Variants in SLC24A2 observed in about 807,000 individuals in gnomAD.
SLC24A2 encodes sodium/potassium/calcium exchanger 2.
SLC24A2 carries 36 observed loss-of-function variants against 62.0 expected under a neutral mutation model. The ratio of observed to expected loss-of-function variants is 0.58; its 90% CI spans 0.44 to 0.77. The LOEUF (loss-of-function observed/expected upper bound fraction) is 0.77. SLC24A2 is among the 30% of genes least tolerant of loss of function. The pLI, the probability that SLC24A2 is intolerant of heterozygous loss-of-function variation, is 0.00. For synonymous variants in SLC24A2, 358 were observed against 294.0 expected (o/e 1.22, Z -2.23); for missense variants, 846 against 817.9 (o/e 1.03, Z -0.42).
At chr9:19,969,102 C>T in the SLC24A2 span, among the ~76,000 whole-genome samples, 2 of 150,732 alleles carry the variant, frequency 1.3e-5, no homozygotes, top group African/African-American at 4.9e-5. Flanking sequence ...TTCTCTAAGG[C>T]TTCTTGTGTT....
the SLC24A2 span, among the ~76,000 whole-genome samples, chr9:19,944,567 A>G: frequency 6.6e-6 from 1 of 152,150 alleles, no homozygotes; most frequent in Admixed American, 6.5e-5. Flanking sequence ...TAATAATAGG[A>G]TCCTCTTCTC....
chr9:20,255,522 AG>A, the SLC24A2 span, among the ~76,000 whole-genome samples: 1 of 152,186 alleles, frequency 6.6e-6, no homozygotes, highest in Non-Finnish European at 1.5e-5. Flanking sequence ...AGCTCATCTG[AG>A]GCAGGAGGAT....
chr9:20,014,149 A>C, the SLC24A2 span, among the ~76,000 whole-genome samples: 2 of 152,298 alleles, frequency 1.3e-5, no homozygotes, highest in East Asian at 3.9e-4. Context: ...TCAAGGCTGC[A>C]GTGAGCTATG....
At chr9:20,052,534 G>A in the SLC24A2 span, among the ~76,000 whole-genome samples, 1 of 152,022 alleles carries the variant, frequency 6.6e-6, no homozygotes, top group African/African-American at 2.4e-5. Flanking sequence ...TTTTTCCATG[G>A]GTTTTCTTTT....
At chr9:19,586,487 T>C (rs1410077885) in intron 5 of SLC24A2, among the ~76,000 whole-genome samples, 1 of 152,030 alleles carries the variant, frequency 6.6e-6, no homozygotes, top group African/African-American at 2.4e-5. Flanking sequence ...TAGAAACACA[T>C]TGCGGGAAAC....
At chr9:19,725,024 T>C (rs940716419) in intron 2 of SLC24A2, among the ~76,000 whole-genome samples, 1 of 152,146 alleles carries the variant, frequency 6.6e-6, no homozygotes, top group Non-Finnish European at 1.5e-5. Context: ...GTCTGCACCA[T>C]CCAAAACCTC....
At chr9:19,937,427 A>T in the SLC24A2 span, among the ~76,000 whole-genome samples, 1 of 152,372 alleles carries the variant, frequency 6.6e-6, no homozygotes, top group South Asian at 2.1e-4. Context: ...ACTTAGATAA[A>T]TAATTCCATG....
At chr9:19,775,502 C>A (rs1183056669) in intron 2 of SLC24A2, among the ~76,000 whole-genome samples, 2 of 152,170 alleles carry the variant, frequency 1.3e-5, no homozygotes, top group African/African-American at 4.8e-5. Context: ...TCAGAGTTAG[C>A]CAAATGGACA....
chr9:20,079,732 G>T, the SLC24A2 span, among the ~76,000 whole-genome samples: 1 of 152,168 alleles, frequency 6.6e-6, no homozygotes, highest in Non-Finnish European at 1.5e-5. Context: ...CTCTCTGTTT[G>T]TCTGTTAGTG....
the SLC24A2 span, among the ~76,000 whole-genome samples, chr9:20,098,919 A>T: frequency 1.3e-5 from 2 of 152,142 alleles, no homozygotes; most frequent in East Asian, 1.9e-4. Flanking sequence ...CTGATTTTAG[A>T]CCCTGCTCTC....
the SLC24A2 span, among the ~76,000 whole-genome samples, chr9:19,932,766 T>G: frequency 6.6e-6 from 1 of 152,158 alleles, no homozygotes; most frequent in Admixed American, 6.5e-5. Context: ...AATATACATG[T>G]GCATAGGTCC....
the SLC24A2 span, among the ~76,000 whole-genome samples, chr9:20,143,050 C>A: frequency 6.6e-6 from 1 of 152,210 alleles, no homozygotes; most frequent in African/African-American, 2.4e-5. Flanking sequence ...GGCTCAGAGT[C>A]ACCCACCAAT....
At chr9:19,745,535 C>T (rs542386671) in intron 2 of SLC24A2, among the ~76,000 whole-genome samples, 2 of 152,190 alleles carry the variant, frequency 1.3e-5, no homozygotes, top group South Asian at 4.1e-4. Context: ...GTAGATTCAG[C>T]AATCTATGCG....
the SLC24A2 span, among the ~76,000 whole-genome samples, chr9:19,980,824 A>C: frequency 6.6e-6 from 1 of 152,138 alleles, no homozygotes; most frequent in African/African-American, 2.4e-5. Context: ...TAACATGTAC[A>C]TTCCTAGCAT....
the SLC24A2 span, among the ~76,000 whole-genome samples, chr9:20,206,815 T>G: frequency 1.3e-5 from 2 of 151,772 alleles, no homozygotes; most frequent in Non-Finnish European, 2.9e-5. Context: ...TTTTTTAAAT[T>G]TCTGTTTTAA....
At chr9:19,973,078 C>G in the SLC24A2 span, among the ~76,000 whole-genome samples, 29 of 152,182 alleles carry the variant, frequency 1.9e-4, no homozygotes, top group Non-Finnish European at 4.3e-4. Flanking sequence ...TGGTGTGCGA[C>G]TGTAGTCCCA....
the SLC24A2 span, among the ~76,000 whole-genome samples, chr9:20,005,885 A>G: frequency 6.6e-6 from 1 of 151,562 alleles, no homozygotes; most frequent in Non-Finnish European, 1.5e-5. Context: ...AAAAGACAGA[A>G]AAGAAACAAG....
chr9:19,606,332 T>C (rs897337766), intron 4 of SLC24A2, among the ~76,000 whole-genome samples: 9 of 152,258 alleles, frequency 5.9e-5, no homozygotes, highest in Admixed American at 5.2e-4. Context: ...ATACTGGTTG[T>C]TATGGTCTCA....
the SLC24A2 span, among the ~76,000 whole-genome samples, chr9:20,037,355 G>T: frequency 6.6e-6 from 1 of 152,092 alleles, no homozygotes; most frequent in Admixed American, 6.5e-5. Flanking sequence ...GAATGTTTTC[G>T]ATTTGAAGTT....
Sources: gnomAD v4.1 joint callset for allele counts (sites outside exome capture counted in the v4.1 genomes callset) on GRCh38, gnomAD v4.1.1 for gene constraint, MANE v1.5 for transcripts, NCBI Gene and HGNC (gene_info 2026-07-23, HGNC 2026-07-21) for gene names.